The following TOX2 variants were observed in gnomAD, a reference collection of about 807,000 sequenced individuals.
The protein encoded by TOX2 is TOX high mobility group box family member 2, also known as granulosa cell HMG box 1.
In TOX2, 15 loss-of-function variants were observed where a neutral mutation model predicts 47.4. That is an observed-to-expected ratio of 0.32 (90% CI 0.21 to 0.49). The LOEUF (loss-of-function observed/expected upper bound fraction) is 0.49, where lower values mean the gene tolerates loss of function less well. Ranked by LOEUF, TOX2 falls within the 20% of genes least tolerant of loss-of-function variation. The pLI, the probability that TOX2 is intolerant of heterozygous loss-of-function variation, is 0.99. For synonymous variants in TOX2, 290 were observed against 296.6 expected (o/e 0.98, Z 0.23); for missense variants, 622 against 673.1 (o/e 0.92, Z 0.84).
At chr20:44,053,215 T>C (rs963749349) in intron 4 of TOX2, among the ~76,000 whole-genome samples, 1 of 152,122 alleles carries the variant, frequency 6.6e-6, no homozygotes, top group African/African-American at 2.4e-5. Flanking sequence ...CTAAGTCAAG[T>C]GTTCACAGGA....
intron 1 of TOX2, among the ~76,000 whole-genome samples, chr20:43,953,139 C>T (rs183579188): frequency 5.3e-5 from 8 of 152,232 alleles, no homozygotes; most frequent in East Asian, 3.9e-4. Flanking sequence ...TGGATTTTCT[C>T]CTAGAGCCTA....
At chr20:43,951,258 G>C (rs892808612) in intron 1 of TOX2, among the ~76,000 whole-genome samples, 1 of 152,150 alleles carries the variant, frequency 6.6e-6, no homozygotes, top group Non-Finnish European at 1.5e-5. Flanking sequence ...CTACCTCTCT[G>C]TATTTGAGTT....
chr20:44,005,861 A>C (rs185459508), intron 2 of TOX2, among the ~76,000 whole-genome samples: 75 of 152,024 alleles, frequency 4.9e-4, no homozygotes, highest in African/African-American at 1.8e-3. Context: ...CTTTAAGATA[A>C]GGAAAAAGGC....
chr20:44,051,559 A>C lies in TOX2; in HGVS notation c.651+14A>C, dbSNP rs1246485334. The C allele has an allele frequency of 6.4e-7, 1 of 1,559,364 alleles. No individual in the cohort carries two copies. Among genetic ancestry groups the C allele is most frequent in the African/African-American group, 1.4e-5 (1 of 73,972 alleles). On this transcript the variant is annotated intron_variant, in intron 4 of 8. Transcript: ENST00000341197. Reference sequence around the variant, plus strand: ...GTGCATTTCAAGGTATGTGCGGTGGAGGAACAGAGCCTGAAGCTGCCCTCC... The same window carrying C: ...GTGCATTTCAAGGTATGTGCGGTGGCGGAACAGAGCCTGAAGCTGCCCTCC...
chr20:44,051,487 C>A lies in TOX2; in HGVS notation c.593C>A (p.Ser198Ter). ...HSSPSPPGSK[S>*]ATPSPSSSTQ... ...TCCCCATCACCGCCGGGGAGCAAGT[C>A]AGCGACCCCCTCTCCCTCCAGCTCC... Residue 198 changes from serine to a stop codon, truncating the protein, a stop_gained, in exon 4 of 9, where the codon TCA becomes TAA. Transcript: ENST00000341197. LOFTEE classifies it high-confidence loss of function. The A allele has an allele frequency of 6.2e-7, 1 of 1,612,896 alleles. No individual in the cohort carries two copies. The highest frequency in any genetic ancestry group is 1.1e-5 in the South Asian group (1 of 90,918).
chr20:43,956,432 A>G (rs1433440338), intron 1 of TOX2, among the ~76,000 whole-genome samples: 3 of 152,074 alleles, frequency 2.0e-5, no homozygotes, highest in Admixed American at 6.5e-5. Context: ...ATGGTGGCGC[A>G]TGCCTGTAAT....
At chr20:44,028,817 T>C (rs2071104997) in intron 3 of TOX2, among the ~76,000 whole-genome samples, 1 of 152,194 alleles carries the variant, frequency 6.6e-6, no homozygotes, top group Non-Finnish European at 1.5e-5. Flanking sequence ...ATTCACAGCT[T>C]GGACAGGTCA....
chr20:44,044,278 G>A (rs781176938), intron 3 of TOX2, among the ~76,000 whole-genome samples: 2 of 152,052 alleles, frequency 1.3e-5, no homozygotes, highest in Non-Finnish European at 2.9e-5. Context: ...GGCCTGTTGT[G>A]GGGGGCGGTT....
rs772813008 is a variant in TOX2 at position 44,066,080 on chromosome 20, G to A, written c.1329G>A (p.Ala443=). ...PTPMALQVQL[A]MSPSPPGPQD... is the part of the protein sequence containing the mutation. ...CCATGGCACTCCAGGTGCAGCTGGC[G>A]ATGAGCCCCTCACCTCCAGGGCCAC... Residue 443 remains alanine, a synonymous_variant, in exon 7 of 9, where the codon GCG becomes GCA. Transcript: ENST00000341197. 5 of 1,565,232 alleles carry A rather than the reference G, an allele frequency of 3.2e-6. No individual in the cohort carries two copies. The highest frequency in any genetic ancestry group is 1.3e-5 in the African/African-American group (1 of 74,220).
At chr20:44,046,461 T>A (rs1325199474) in intron 3 of TOX2, among the ~76,000 whole-genome samples, 1 of 152,208 alleles carries the variant, frequency 6.6e-6, no homozygotes, top group Non-Finnish European at 1.5e-5. Flanking sequence ...ATTCTGGATG[T>A]CTACTCAAGA....
intron 1 of TOX2, among the ~76,000 whole-genome samples, chr20:43,924,621 A>G (rs1367542079): frequency 6.6e-6 from 1 of 152,080 alleles, no homozygotes; most frequent in Non-Finnish European, 1.5e-5. Context: ...TTTCACCATC[A>G]CTGAGCTCCC....
At chr20:43,952,553 C>A (rs1406169336) in intron 1 of TOX2, among the ~76,000 whole-genome samples, 1 of 152,158 alleles carries the variant, frequency 6.6e-6, no homozygotes, top group Non-Finnish European at 1.5e-5. Context: ...AGAAAGCCTG[C>A]AGATCTCAAG....
At chr20:43,941,594 A>G (rs1430330141) in intron 1 of TOX2, among the ~76,000 whole-genome samples, 1 of 152,082 alleles carries the variant, frequency 6.6e-6, no homozygotes, top group Non-Finnish European at 1.5e-5. Flanking sequence ...CGGCCTCCCA[A>G]AGTGTTGGGA....
intron 1 of TOX2, among the ~76,000 whole-genome samples, chr20:43,949,950 G>A (rs1317023221): frequency 6.6e-6 from 1 of 152,108 alleles, no homozygotes; most frequent in Non-Finnish European, 1.5e-5. Flanking sequence ...CAAATTAAGG[G>A]CCTTCAGACC....
intron 3 of TOX2, among the ~76,000 whole-genome samples, chr20:44,028,174 C>A (rs1049705031): frequency 1.3e-5 from 2 of 152,292 alleles, no homozygotes; most frequent in Non-Finnish European, 1.5e-5. Flanking sequence ...GGTGGGGAGC[C>A]AGGGAAGGCC....
rs2071889383 is a variant in TOX2, at chr20:44,068,985, C to G, written c.*299C>G. 1 of 526,768 alleles carries G rather than the reference C, an allele frequency of 1.9e-6. No individual in the cohort carries two copies. Among genetic ancestry groups the G allele is most frequent in the Non-Finnish European group, 3.7e-6 (1 of 272,946 alleles). The allele number at this position is 526,768 out of a possible 1,614,324, so 32.6% of individuals were successfully genotyped here. A position where few individuals can be genotyped will look rare whatever the true frequency, so the allele number is the denominator to read the frequency against. ...CGCACGGTACCCTATGTCTGGACAC[C>G]CGGCCCCAGCTCCAGCCCCAGCCCA... On this transcript the variant is annotated 3_prime_UTR_variant, in exon 9 of 9. Coordinates refer to ENST00000341197, the MANE Select transcript of TOX2 (RefSeq NM_001098797.2).
At chr20:43,975,005 G>GT (rs2070051169) in intron 2 of TOX2, among the ~76,000 whole-genome samples, 1 of 152,270 alleles carries the variant, frequency 6.6e-6, no homozygotes, top group Non-Finnish European at 1.5e-5. Flanking sequence ...TTTTGGAAGA[G>GT]TACACTGATG....
intron 3 of TOX2, among the ~76,000 whole-genome samples, chr20:44,031,507 T>C (rs2071151946): frequency 6.6e-6 from 1 of 152,184 alleles, no homozygotes; most frequent in Non-Finnish European, 1.5e-5. Flanking sequence ...GCAAGGTCTG[T>C]GCCTGCATTC....
At chr20:43,992,332 TGATCGTGTAGGAGC>T (rs1204358764) in intron 2 of TOX2, among the ~76,000 whole-genome samples, 9 of 152,070 alleles carry the variant, frequency 5.9e-5, no homozygotes, top group African/African-American at 1.2e-4. Context: ...GCATCAGGAG[TGATCGTGTAGGAGC>T]GATCGTGTAG....
Sources: gnomAD v4.1 joint callset for allele counts (sites outside exome capture counted in the v4.1 genomes callset) on GRCh38, gnomAD v4.1.1 for gene constraint, MANE v1.5 for transcripts, NCBI Gene and HGNC (gene_info 2026-07-23, HGNC 2026-07-21) for gene names.